Variants in ATL1 observed in about 807,000 individuals in gnomAD.
The protein encoded by ATL1 is atlastin-1.
In ATL1, 31 loss-of-function variants were observed where a neutral mutation model predicts 75.5. That is an observed-to-expected ratio of 0.41 (90% CI 0.31 to 0.55). ATL1 has a LOEUF of 0.55. Ranked by LOEUF, ATL1 falls within the 20% of genes least tolerant of loss-of-function variation. The pLI is 0.27. For missense variants in ATL1, 405 were observed against 662.6 expected, an observed-to-expected ratio of 0.61 and a Z score of 4.27; for synonymous variants, 226 against 233.3, an observed-to-expected ratio of 0.97 and a Z score of 0.28.
chr14:50,574,867 G>T (rs1051860493), intron 1 of ATL1, among the ~76,000 whole-genome samples: 1 of 142,756 alleles, frequency 7.0e-6, no homozygotes, highest in Admixed American at 7.2e-5. Flanking sequence ...TTATTAAAAG[G>T]TATGTGTATT....
chr14:50,600,539 A>G (rs1436755012), intron 6 of ATL1, among the ~76,000 whole-genome samples: 7 of 152,224 alleles, frequency 4.6e-5, no homozygotes, highest in African/African-American at 1.7e-4. Context: ...AAATCAAAAG[A>G]TAAAATGCAA....
intron 6 of ATL1, among the ~76,000 whole-genome samples, chr14:50,609,271 A>G (rs2039341635): frequency 6.6e-6 from 1 of 152,050 alleles, no homozygotes; most frequent in Non-Finnish European, 1.5e-5. Flanking sequence ...TGTTTGCGGA[A>G]CTTAGACTAA....
Position 50,632,785 on chromosome 14 carries a change from T to C in ATL1, c.*446T>C, listed in dbSNP as rs903074809. Reference sequence around the variant, plus strand: ...AGCAGGCTGGATTTAATCTGTATCATCTTATATATATCACAATCTTATTTT... The same window carrying C: ...AGCAGGCTGGATTTAATCTGTATCACCTTATATATATCACAATCTTATTTT... On this transcript the variant is annotated 3_prime_UTR_variant, in exon 14 of 14. Coordinates refer to ENST00000358385, the MANE Select transcript of ATL1 (RefSeq NM_015915.5). 5 of 166,292 alleles carry C rather than the reference T, an allele frequency of 3.0e-5. No individual in the cohort carries two copies. The highest frequency in any genetic ancestry group is 3.9e-5 in the Non-Finnish European group (3 of 76,312). The allele number at this position is 166,292 out of a possible 1,614,324, so 10.3% of individuals were successfully genotyped here.
intron 5 of ATL1, among the ~76,000 whole-genome samples, chr14:50,595,032 A>G (rs1478188488): frequency 4.6e-5 from 7 of 151,752 alleles, no homozygotes; most frequent in Non-Finnish European, 1.0e-4. Flanking sequence ...AAAAAAAAAG[A>G]AAAAGAAAAA....
In ATL1 at chr14:50,629,819, C is replaced by T. The variant is rs78649712; in HGVS notation, c.1552-176C>T. 0.029 allele frequency among the ~76,000 whole-genome samples: 4,343 copies of T among 152,138 alleles called. 216 individuals carry two copies. The highest frequency in any genetic ancestry group is 0.099 in the African/African-American group (4,107 of 41,480). ...GTTATGCTAAAACCTATGAGGAATA[C>T]AGAATTGAGTTCTTCAAAGATTCTG... On this transcript the variant is annotated intron_variant, in intron 12 of 13. Transcript: ENST00000358385.
chr14:50,535,718 G>C (rs892378298), intron 1 of ATL1, among the ~76,000 whole-genome samples: 1 of 152,174 alleles, frequency 6.6e-6, no homozygotes, highest in African/African-American at 2.4e-5. Flanking sequence ...AGGTCATTAG[G>C]ATGAGAGTTT....
chr14:50,549,133 C>T (rs1595570878), intron 1 of ATL1, among the ~76,000 whole-genome samples: 2 of 152,030 alleles, frequency 1.3e-5, no homozygotes, highest in Admixed American at 6.6e-5. Context: ...AAGATGGCAA[C>T]GGAACCACCT....
At chr14:50,573,258 GTTTTGTTC>G (rs2038971039) in intron 1 of ATL1, among the ~76,000 whole-genome samples, 2 of 152,164 alleles carry the variant, frequency 1.3e-5, no homozygotes, top group South Asian at 4.2e-4. Context: ...CTAAATTAAT[GTTTTGTTC>G]TTGATTTCAT....
intron 11 of ATL1, among the ~76,000 whole-genome samples, chr14:50,627,240 A>G (rs2039530256): frequency 6.6e-6 from 1 of 152,248 alleles, no homozygotes. Context: ...CATTTTTTGC[A>G]ATAAAGTGTT....
intron 11 of ATL1, among the ~76,000 whole-genome samples, chr14:50,627,329 T>C (rs72679592): frequency 0.18 from 26,945 of 152,196 alleles, 2,845 homozygotes; most frequent in African/African-American, 0.3. Context: ...ATAACTTTTA[T>C]ATGAATTAGG....
intron 12 of ATL1, 197 bp downstream of exon 12, chr14:50,628,659 C>A: frequency 1.4e-6 from 1 of 717,626 alleles, no homozygotes; most frequent in Non-Finnish European, 2.6e-6. Context: ...CAACTATTTT[C>A]CAGTTAACAT....
intron 1 of ATL1, among the ~76,000 whole-genome samples, chr14:50,540,134 C>T (rs1487788567): frequency 2.0e-5 from 3 of 152,182 alleles, no homozygotes; most frequent in Non-Finnish European, 4.4e-5. Flanking sequence ...TGGTAGAGGT[C>T]AGGTGGCTCA....
intron 11 of ATL1, among the ~76,000 whole-genome samples, chr14:50,625,434 G>C (rs1015359003): frequency 6.6e-6 from 1 of 152,170 alleles, no homozygotes; most frequent in Non-Finnish European, 1.5e-5. Context: ...AGGTGGCCAC[G>C]GTAAACAGAG....
intron 6 of ATL1, among the ~76,000 whole-genome samples, chr14:50,600,790 A>T (rs539300741): frequency 6.6e-6 from 1 of 152,252 alleles, no homozygotes; most frequent in South Asian, 2.1e-4. Context: ...ATGAAATTTT[A>T]AAAATAATTT....
chr14:50,599,992 T>C (rs1185254704), intron 6 of ATL1, among the ~76,000 whole-genome samples: 1 of 152,016 alleles, frequency 6.6e-6, no homozygotes, highest in Non-Finnish European at 1.5e-5. Flanking sequence ...TCTTTTTTTT[T>C]TTTTATCATT....
intron 6 of ATL1, among the ~76,000 whole-genome samples, chr14:50,596,678 T>C (rs1337919496): frequency 1.3e-5 from 2 of 152,216 alleles, no homozygotes; most frequent in Admixed American, 6.5e-5. Context: ...AAGAAAGTGC[T>C]CATTTTAAAA....
At chr14:50,554,825 G>A (rs1465849883) in intron 1 of ATL1, among the ~76,000 whole-genome samples, 1 of 152,150 alleles carries the variant, frequency 6.6e-6, no homozygotes, top group Non-Finnish European at 1.5e-5. Flanking sequence ...GGACTCGTCT[G>A]AGTCATTCTT....
chr14:50,545,044 G>A (rs779719888), intron 1 of ATL1, among the ~76,000 whole-genome samples: 1 of 151,872 alleles, frequency 6.6e-6, no homozygotes, highest in Non-Finnish European at 1.5e-5. Flanking sequence ...AGGCCAGGCT[G>A]TGAGCCAAGG....
intron 1 of ATL1, among the ~76,000 whole-genome samples, chr14:50,579,041 TG>T (rs1484454771): frequency 6.6e-6 from 1 of 152,208 alleles, no homozygotes. Flanking sequence ...ATTTGCATGA[TG>T]GTGAATATCT....
Sources: allele counts gnomAD v4.1 joint callset (sites outside exome capture counted in the v4.1 genomes callset), GRCh38; gene constraint gnomAD v4.1.1; transcripts MANE v1.5; gene names NCBI Gene and HGNC (gene_info 2026-07-23, HGNC 2026-07-21).